Variants in SLC44A5 observed in about 807,000 individuals in gnomAD.
SLC44A5 encodes choline transporter-like protein 5.
SLC44A5 carries 57 observed loss-of-function variants against 101.8 expected under a neutral mutation model. That is an observed-to-expected ratio of 0.56 (90% confidence interval 0.45 to 0.70). The LOEUF (loss-of-function observed/expected upper bound fraction) is 0.70. Ranked by LOEUF, SLC44A5 falls within the 30% of genes least tolerant of loss-of-function variation. The probability of loss-of-function intolerance (pLI) is 0.00; values close to 1 mark genes in which losing one functional copy is unlikely to be tolerated. For synonymous variants in SLC44A5, 281 were observed against 290.9 expected, an observed-to-expected ratio of 0.97 and a Z score of 0.35; for missense variants, 737 against 853.1, an observed-to-expected ratio of 0.86 and a Z score of 1.70.
chr1:75,315,879 C>A (rs1570653718), intron 4 of SLC44A5, among the ~76,000 whole-genome samples: 1 of 152,124 alleles, frequency 6.6e-6, no homozygotes, highest in East Asian at 1.9e-4. Context: ...TCTCTCTTAT[C>A]CTCCACATTT....
At chr1:75,454,003 T>A (rs1214442398) in intron 2 of SLC44A5, among the ~76,000 whole-genome samples, 1 of 152,096 alleles carries the variant, frequency 6.6e-6, no homozygotes, top group Non-Finnish European at 1.5e-5. Flanking sequence ...CTACTGAAAC[T>A]ATCCCATAAA....
chr1:75,368,641 A>G lies in SLC44A5; in HGVS notation c.52+27942T>C, dbSNP rs1272799225. On this transcript the variant is annotated intron_variant, in intron 3 of 23. Transcript: ENST00000370859. ...CTCTCTCTGTCTCTTTAAAATGTGC[A>G]TGCACACACACACACACACACACAC... Among the ~76,000 whole-genome samples the G allele has an allele frequency of 6.1e-4, 82 of 135,046 alleles. 1 individual carries two copies. The allele number at this position is 135,046 out of a possible 152,430, so 88.6% of individuals were successfully genotyped here.
chr1:75,259,641 C>T (rs939744993), intron 6 of SLC44A5, among the ~76,000 whole-genome samples: 1 of 152,132 alleles, frequency 6.6e-6, no homozygotes, highest in African/African-American at 2.4e-5. Flanking sequence ...CCCAGTCTAG[C>T]AAGGCAGGCC....
intron 3 of SLC44A5, among the ~76,000 whole-genome samples, chr1:75,363,546 A>G (rs1293642218): frequency 1.3e-5 from 2 of 152,092 alleles, no homozygotes; most frequent in African/African-American, 4.8e-5. Context: ...AATTGCATAC[A>G]AAAATTCTAT....
intron 1 of SLC44A5, among the ~76,000 whole-genome samples, chr1:75,580,830 T>C (rs1405336832): frequency 7.3e-6 from 1 of 136,282 alleles, no homozygotes; most frequent in Non-Finnish European, 1.6e-5. Context: ...AGAGCAAGAC[T>C]CTGTCTCAAA....
intron 1 of SLC44A5, among the ~76,000 whole-genome samples, chr1:75,607,695 C>T (rs1675405751): frequency 6.6e-6 from 1 of 151,904 alleles, no homozygotes; most frequent in South Asian, 2.1e-4. Flanking sequence ...GATAGTAAGT[C>T]TCATGAGATC....
chr1:75,685,100 T>A, the SLC44A5 span, among the ~76,000 whole-genome samples: 1 of 152,176 alleles, frequency 6.6e-6, no homozygotes, highest in Non-Finnish European at 1.5e-5. Flanking sequence ...GGGCTTGTAC[T>A]CTCTGAATCA....
chr1:75,638,595 A>C, the SLC44A5 span, among the ~76,000 whole-genome samples: 1 of 152,046 alleles, frequency 6.6e-6, no homozygotes, highest in Admixed American at 6.6e-5. Flanking sequence ...TCCACAGCTG[A>C]AATCATAAAG....
At chr1:75,557,405 T>C (rs939172143) in intron 1 of SLC44A5, among the ~76,000 whole-genome samples, 2 of 152,174 alleles carry the variant, frequency 1.3e-5, no homozygotes, top group East Asian at 3.9e-4. Flanking sequence ...AAGGAGTGAA[T>C]ACACAGAAGA....
intron 3 of SLC44A5, among the ~76,000 whole-genome samples, chr1:75,373,264 C>T (rs1660348007): frequency 6.6e-6 from 1 of 152,040 alleles, no homozygotes; most frequent in African/African-American, 2.4e-5. Flanking sequence ...GACATTGTGG[C>T]TAAAGAGGGA....
chr1:75,582,363 G>C, intron 1 of SLC44A5: 1 of 1,026,754 alleles, frequency 9.7e-7, no homozygotes, highest in Non-Finnish European at 1.5e-6. Context: ...AAGGGTGTCA[G>C]CCACAAGCTC....
At chr1:75,568,336 A>T (rs1672895358) in intron 1 of SLC44A5, among the ~76,000 whole-genome samples, 1 of 152,184 alleles carries the variant, frequency 6.6e-6, no homozygotes. Flanking sequence ...AACCCAACAC[A>T]TAACCTCCAA....
chr1:75,587,709 A>G (rs1674095316), intron 1 of SLC44A5, among the ~76,000 whole-genome samples: 1 of 152,248 alleles, frequency 6.6e-6, no homozygotes, highest in African/African-American at 2.4e-5. Context: ...ATTTTGCAAT[A>G]AAGCCTGATT....
chr1:75,653,775 G>A, the SLC44A5 span, among the ~76,000 whole-genome samples: 1 of 152,168 alleles, frequency 6.6e-6, no homozygotes. Context: ...ATAGCAAGCT[G>A]GACTTTAGCA....
rs1276902214 is a variant in SLC44A5, at chr1:75,489,638, A to G, written c.13+51797T>C. Among the ~76,000 whole-genome samples the G allele has an allele frequency of 3.9e-5, 6 of 152,338 alleles. No individual in the cohort carries two copies. The East Asian group carries it at 1.2e-3, about 29-fold the overall frequency. On this transcript the variant is annotated intron_variant, in intron 2 of 23. Transcript: ENST00000370859. ...TGTTAGCACAGTGAGTCTCCATCATATCTTAGGTGATGGCATGAATGAAAT... is the reference window on the plus strand; with the variant it reads ...TGTTAGCACAGTGAGTCTCCATCATGTCTTAGGTGATGGCATGAATGAAAT...
chr1:75,480,558 C>T (rs2101771753), intron 2 of SLC44A5, among the ~76,000 whole-genome samples: 1 of 152,260 alleles, frequency 6.6e-6, no homozygotes, highest in Non-Finnish European at 1.5e-5. Context: ...AGCAAAATCT[C>T]AGGATACAAA....
chr1:75,474,190 G>A (rs1317945575), intron 2 of SLC44A5, among the ~76,000 whole-genome samples: 3 of 152,078 alleles, frequency 2.0e-5, no homozygotes, highest in African/African-American at 7.2e-5. Flanking sequence ...AAAAAAAGAA[G>A]GAACTTCTAA....
the SLC44A5 span, among the ~76,000 whole-genome samples, chr1:75,689,953 T>G: frequency 6.6e-6 from 1 of 152,170 alleles, no homozygotes; most frequent in Non-Finnish European, 1.5e-5. Flanking sequence ...ACTCTCCTGA[T>G]GAATCACCCT....
chr1:75,680,938 C>G, the SLC44A5 span, among the ~76,000 whole-genome samples: 2 of 149,666 alleles, frequency 1.3e-5, no homozygotes, highest in South Asian at 4.3e-4. Context: ...ATATCACCAC[C>G]GAACCCACAG....
Sources: gnomAD v4.1 joint callset for allele counts (sites outside exome capture counted in the v4.1 genomes callset) on GRCh38, gnomAD v4.1.1 for gene constraint, MANE v1.5 for transcripts, NCBI Gene and HGNC (gene_info 2026-07-23, HGNC 2026-07-21) for gene names.